Variants in S100P observed in about 807,000 individuals in gnomAD.
S100P encodes the protein S100 calcium binding protein P, also known as protein S100-P.
Under a neutral mutation model 4.7 loss-of-function variants are expected in S100P, and 7 were observed. That is an observed-to-expected ratio of 1.48 (90% CI 0.84 to 2.77). S100P has a LOEUF of 2.77. Ranked by LOEUF, S100P falls within the 30% of genes most tolerant of loss-of-function variation. S100P has a pLI of 0.00. For synonymous variants in S100P, 48 were observed against 49.0 expected (o/e 0.98, Z 0.08); for missense variants, 122 against 120.6 (o/e 1.01, Z -0.06).
In S100P at chr4:6,697,050, G is replaced by A. The variant is rs1328729589; in HGVS notation, c.*8G>A. ...AAGGCAGGACTCAAATGATGCCCTG[G>A]AGATGTCACAGATTCCTGGCAGAGC... On this transcript the variant is annotated 3_prime_UTR_variant, in exon 2 of 2. Transcript: ENST00000296370. 1 of 1,607,248 alleles carries A rather than the reference G, an allele frequency of 6.2e-7. No individual in the cohort carries two copies. Among genetic ancestry groups the A allele is most frequent in the Admixed American group, 1.7e-5 (1 of 59,446 alleles).
At position 6,697,091 on chromosome 4, in the gene S100P, C is replaced by T. The variant is rs200723879; in HGVS notation, c.*49C>T. The T allele has an allele frequency of 2.6e-6, 4 of 1,524,674 alleles. No individual in the cohort carries two copies. In the Admixed American group the frequency reaches 7.7e-5, roughly 29 times the overall value. The allele number at this position is 1,524,674 out of a possible 1,614,324, so 94.4% of individuals were successfully genotyped here. A position where few individuals can be genotyped will look rare whatever the true frequency, so the allele number is the denominator to read the frequency against. ...CTGGCAGAGCCATGGTCCCAGGCTT[C>T]CCAAAAGTGTTTGTTGGCAATTATT... is the stretch of plus-strand genomic sequence containing the variant. On this transcript the variant is annotated 3_prime_UTR_variant, in exon 2 of 2. Transcript: ENST00000296370.
At chr4:6,695,533 C>A (rs560198918) in intron 1 of S100P, among the ~76,000 whole-genome samples, 1 of 152,308 alleles carries the variant, frequency 6.6e-6, no homozygotes, top group South Asian at 2.1e-4. Context: ...ATCCTGGGAA[C>A]TTGGGCTTGG....
intron 1 of S100P, 140 bp from the exon 2 acceptor site, chr4:6,696,753 A>C: frequency 1.7e-6 from 1 of 605,024 alleles, no homozygotes; most frequent in African/African-American, 2.2e-5. Context: ...TGTGTCTGCT[A>C]TGCACAGCTG....
chr4:6,694,967 CTT>C (rs59304723), intron 1 of S100P, among the ~76,000 whole-genome samples: 37,262 of 141,634 alleles, frequency 0.26, 5,002 homozygotes, highest in East Asian at 0.64. Context: ...CTTTTCTTTT[CTT>C]TTTTTTTTTT....
intron 1 of S100P, among the ~76,000 whole-genome samples, chr4:6,696,579 T>C (rs986742934): frequency 6.6e-6 from 1 of 152,256 alleles, no homozygotes; most frequent in African/African-American, 2.4e-5. Context: ...CAACCATCAC[T>C]GTAAAGCACT....
chr4:6,695,330 TAG>T (rs1368903630), intron 1 of S100P, among the ~76,000 whole-genome samples: 1 of 152,148 alleles, frequency 6.6e-6, no homozygotes, highest in Non-Finnish European at 1.5e-5. Context: ...CTGTTTTTGG[TAG>T]AAAATGTAAA....
At chr4:6,694,107 T>TGGGGAAGAA in intron 1 of S100P, 37 bp downstream of exon 1, 1 of 1,568,650 alleles carries the variant, frequency 6.4e-7, no homozygotes, top group Non-Finnish European at 8.6e-7. Context: ...CAGCGGGGGC[T>TGGGGAAGAA]GGGGAAGAAG....
chr4:6,696,538 T>C (rs865926906), intron 1 of S100P, among the ~76,000 whole-genome samples: 4 of 152,154 alleles, frequency 2.6e-5, no homozygotes, highest in East Asian at 1.9e-4. Context: ...GCACAAAAAA[T>C]AGAGCAAAGA....
chr4:6,695,086 C>T (rs1714339436), intron 1 of S100P, among the ~76,000 whole-genome samples: 1 of 151,892 alleles, frequency 6.6e-6, no homozygotes, highest in Non-Finnish European at 1.5e-5. Context: ...CCACCTCAGC[C>T]TACCGAGTAG....
At chr4:6,694,847 C>CT (rs1266590700) in intron 1 of S100P, among the ~76,000 whole-genome samples, 1 of 152,164 alleles carries the variant, frequency 6.6e-6, no homozygotes, top group Non-Finnish European at 1.5e-5. Flanking sequence ...TGCCTACCTG[C>CT]TAAGGGGCTA....
At chr4:6,696,759 A>G (rs1261383460) in intron 1 of S100P, 134 bp from the exon 2 acceptor site, 6 of 313,134 alleles carry the variant, frequency 1.9e-5, no homozygotes, top group African/African-American at 9.8e-5. Flanking sequence ...TGCTATGCAC[A>G]GCTGGCCCTG....
At position 6,697,066 on chromosome 4, in the gene S100P, C is replaced by T; in HGVS notation, c.*24C>T. 2 of 1,599,632 alleles carry T rather than the reference C, an allele frequency of 1.3e-6. No individual in the cohort carries two copies. Among genetic ancestry groups the T allele is most frequent in the Non-Finnish European group, 1.7e-6 (2 of 1,170,266 alleles). ...GATGCCCTGGAGATGTCACAGATTC[C>T]TGGCAGAGCCATGGTCCCAGGCTTC... On this transcript the variant is annotated 3_prime_UTR_variant, in exon 2 of 2. Transcript: ENST00000296370.
chr4:6,694,031 C>G lies in S100P; in HGVS notation c.99C>G (p.Leu33=). 6.2e-7 allele frequency: 1 copy of G among 1,613,814 alleles called. No homozygotes were observed. The highest frequency in any genetic ancestry group is 8.5e-7 in the Non-Finnish European group (1 of 1,179,922). Residue 33 remains leucine (L), a synonymous_variant, in exon 1 of 2, where the codon CTC becomes CTG. Coordinates refer to ENST00000296370, the MANE Select transcript of S100P (RefSeq NM_005980.3). The stretch of plus-strand genomic sequence containing the variant: ...CGCAGACCCTGACCAAGGGGGAGCT[C>G]AAGGTGCTGATGGAGAAGGAGCTAC... ...GSTQTLTKGE[L]KVLMEKELPG...
intron 1 of S100P, 126 bp downstream of exon 1, chr4:6,694,196 C>A: frequency 1.1e-6 from 1 of 900,506 alleles, no homozygotes; most frequent in Non-Finnish European, 1.6e-6. Context: ...AGGGACAGAT[C>A]CTGAAATGCC....
intron 1 of S100P, among the ~76,000 whole-genome samples, chr4:6,696,324 C>T (rs188657980): frequency 3.3e-4 from 51 of 152,260 alleles, no homozygotes; most frequent in Admixed American, 5.2e-4. Context: ...GCTCCATGCT[C>T]GCTCCACACC....
rs542245947 is a variant in S100P, at chr4:6,696,971, G to A, written c.217G>A (p.Glu73Lys). 7.4e-6 allele frequency: 12 copies of A among 1,613,904 alleles called. No individual in the cohort carries two copies. Among genetic ancestry groups the A allele is most frequent in the Non-Finnish European group, 1.0e-5 (12 of 1,179,754 alleles). The change falls in exon 2 of 2, where the codon GAG (glutamate) becomes AAG (lysine). Residue 73 changes from glutamate (E) to lysine (K), a missense_variant. Transcript: ENST00000296370. The stretch of plus-strand genomic sequence containing the variant: ...TGGAGATGCCCAGGTGGACTTCAGT[G>A]AGTTCATAGTGTTCGTGGCTGCAAT... ...ANGDAQVDFS[E>K]FIVFVAAITS... is the part of the protein sequence containing the mutation.
chr4:6,696,779 G>A, intron 1 of S100P, 114 bp from the exon 2 acceptor site: 1 of 304,064 alleles, frequency 3.3e-6, no homozygotes, highest in Non-Finnish European at 5.1e-6. Flanking sequence ...GGCCCTGACA[G>A]CAAAGGTGAC....
At position 6,695,126 on chromosome 4, in the gene S100P, C is replaced by T. The variant is rs113762862; in HGVS notation, c.138+1056C>T. ...GACTACAGGTGCATGTCACCATACC[C>T]GGTTAATTTTTGTATTTTTTTTAGA... On this transcript the variant is annotated intron_variant, in intron 1 of 1. Coordinates refer to ENST00000296370, the MANE Select transcript of S100P (RefSeq NM_005980.3). Among the ~76,000 whole-genome samples, 1,243 of 152,056 alleles carry T rather than the reference C, an allele frequency of 8.2e-3. 15 individuals are homozygous for T. Among genetic ancestry groups the T allele is most frequent in the African/African-American group, 0.027 (1,139 of 41,474 alleles).
At chr4:6,694,967 C>CTTTTT (rs59304723) in intron 1 of S100P, among the ~76,000 whole-genome samples, 5 of 141,888 alleles carry the variant, frequency 3.5e-5, no homozygotes, top group Non-Finnish European at 6.1e-5. Context: ...CTTTTCTTTT[C>CTTTTT]TTTTTTTTTT....
Sources: gnomAD v4.1 joint callset for allele counts (sites outside exome capture counted in the v4.1 genomes callset) on GRCh38, gnomAD v4.1.1 for gene constraint, MANE v1.5 for transcripts, NCBI Gene and HGNC (gene_info 2026-07-23, HGNC 2026-07-21) for gene names.